Variants in MALRD1 observed in about 807,000 individuals in gnomAD.
MALRD1 encodes MAM and LDL-receptor class A domain-containing protein 1.
In MALRD1, 247 loss-of-function variants were observed where a neutral mutation model predicts 242.1. The observed-to-expected ratio is 1.02, with a 90% CI of 0.92 to 1.13. The LOEUF (loss-of-function observed/expected upper bound fraction) is 1.13, where lower values mean the gene tolerates loss of function less well. Among genes scored for constraint, MALRD1 ranks in the 50% most tolerant of loss-of-function variants. The probability of loss-of-function intolerance (pLI) is 0.00; values close to 1 mark genes in which losing one functional copy is unlikely to be tolerated. For missense variants in MALRD1, 2,989 were observed against 2,533.1 expected, an observed-to-expected ratio of 1.18 and a Z score of -3.86; for synonymous variants, 995 against 866.6, an observed-to-expected ratio of 1.15 and a Z score of -2.60.
intron 32 of MALRD1, among the ~76,000 whole-genome samples, chr10:19,539,904 GCGCGTGCGCGCACACA>G (rs1371797250): frequency 3.9e-4 from 21 of 54,268 alleles, no homozygotes; most frequent in African/African-American, 6.9e-4. Context: ...GTGTGCGCGC[GCGCGTGCGCGCACACA>G]CGCGCAGTGA....
At chr10:19,667,939 A>G (rs1841748113) in intron 36 of MALRD1, among the ~76,000 whole-genome samples, 1 of 152,082 alleles carries the variant, frequency 6.6e-6, no homozygotes, top group African/African-American at 2.4e-5. Flanking sequence ...GTCTGTTGTG[A>G]GCAATCTCTG....
chr10:19,135,825 G>T (rs1480718113), intron 9 of MALRD1, among the ~76,000 whole-genome samples: 3 of 152,134 alleles, frequency 2.0e-5, no homozygotes. Flanking sequence ...AGTAATAATT[G>T]CTCTTGGTAG....
intron 21 of MALRD1, among the ~76,000 whole-genome samples, chr10:19,289,976 C>A (rs2496062): frequency 0.45 from 67,551 of 151,784 alleles, 15,132 homozygotes; most frequent in South Asian, 0.55. Flanking sequence ...GAGAAAAAAA[C>A]CCACAATAAT....
rs1835253334 is a variant in MALRD1 at position 19,450,374 on chromosome 10, C to T, written c.4913C>T (p.Ala1638Val). 6.5e-7 allele frequency: 1 copy of T among 1,550,048 alleles called. No individual in the cohort carries two copies. The highest frequency in any genetic ancestry group is 8.7e-7 in the Non-Finnish European group (1 of 1,146,926). The change falls in exon 29 of 40, where the codon GCT becomes GTT. Residue 1638 changes from alanine to valine, a missense_variant. Coordinates refer to ENST00000454679, the MANE Select transcript of MALRD1 (RefSeq NM_001142308.3). ...KQNPGNHWQK[A>V]DILLGKLRNF... ...AACCCTGGTAATCATTGGCAAAAGGCTGACATCCTGCTAGGAAAGTTAAGG... is the reference window on the plus strand; with the variant it reads ...AACCCTGGTAATCATTGGCAAAAGGTTGACATCCTGCTAGGAAAGTTAAGG...
intron 29 of MALRD1, among the ~76,000 whole-genome samples, chr10:19,469,383 G>T (rs1836384526): frequency 6.6e-6 from 1 of 152,042 alleles, no homozygotes; most frequent in Non-Finnish European, 1.5e-5. Flanking sequence ...TAGCACAGCT[G>T]ATTGTATTGC....
At chr10:19,235,578 CAGAGAGAG>C (rs34117417) in intron 18 of MALRD1, among the ~76,000 whole-genome samples, 33,912 of 132,336 alleles carry the variant, frequency 0.26, 4,024 homozygotes, top group Admixed American at 0.37. Flanking sequence ...CCCACACCCA[CAGAGAGAG>C]AGAGAGAGAG....
intron 10 of MALRD1, 97 bp downstream of exon 10, chr10:19,136,878 C>A: frequency 2.6e-6 from 2 of 778,336 alleles, no homozygotes; most frequent in South Asian, 6.8e-5. Flanking sequence ...AAAGGTAAGT[C>A]ATATGTATGA....
chr10:19,141,883 A>G (rs148324828), intron 10 of MALRD1, among the ~76,000 whole-genome samples: 4,044 of 152,210 alleles, frequency 0.027, 80 homozygotes, highest in Middle Eastern at 0.058. Flanking sequence ...ATGTAAAAAA[A>G]AATGTTGGGC....
chr10:19,728,129 A>G (rs1835123106), intron 38 of MALRD1, among the ~76,000 whole-genome samples: 1 of 152,168 alleles, frequency 6.6e-6, no homozygotes, highest in South Asian at 2.1e-4. Context: ...AATAAAAGCA[A>G]TTTGAGACTA....
chr10:19,200,393 G>GGAGTTCAACTGTTCA (rs1410971394), intron 14 of MALRD1, among the ~76,000 whole-genome samples: 12 of 152,206 alleles, frequency 7.9e-5, no homozygotes, highest in African/African-American at 2.6e-4. Flanking sequence ...AATACCAGAA[G>GGAGTTCAACTGTTCA]GAGTTCAACT....
intron 10 of MALRD1, among the ~76,000 whole-genome samples, chr10:19,139,690 C>G (rs1833474579): frequency 6.6e-6 from 1 of 152,138 alleles, no homozygotes; most frequent in Non-Finnish European, 1.5e-5. Flanking sequence ...AGACCGGTGG[C>G]TCTTCAAAAT....
intron 36 of MALRD1, among the ~76,000 whole-genome samples, chr10:19,669,565 A>T (rs1841820730): frequency 6.6e-6 from 1 of 152,204 alleles, no homozygotes; most frequent in African/African-American, 2.4e-5. Context: ...GGGTACTCAT[A>T]GTTTATCTAA....
chr10:19,122,657 G>T (rs114614513), intron 5 of MALRD1, among the ~76,000 whole-genome samples: 1,689 of 152,170 alleles, frequency 0.011, 34 homozygotes, highest in African/African-American at 0.039. Flanking sequence ...AGTGGTATGG[G>T]CAGAAAGGAC....
chr10:19,295,577 G>C (rs1841657413), intron 21 of MALRD1, among the ~76,000 whole-genome samples: 1 of 151,910 alleles, frequency 6.6e-6, no homozygotes. Flanking sequence ...TATGTAGACA[G>C]GTTTGAGAGA....
intron 21 of MALRD1, among the ~76,000 whole-genome samples, chr10:19,287,901 T>C (rs1182753300): frequency 6.6e-6 from 1 of 152,104 alleles, no homozygotes; most frequent in Non-Finnish European, 1.5e-5. Flanking sequence ...GGTGGAATTA[T>C]TAATTTTACC....
chr10:19,116,893 A>G (rs1836888388), intron 5 of MALRD1, among the ~76,000 whole-genome samples: 1 of 152,104 alleles, frequency 6.6e-6, no homozygotes, highest in African/African-American at 2.4e-5. Flanking sequence ...GTTCGAGACC[A>G]GCCTCAACCT....
intron 33 of MALRD1, among the ~76,000 whole-genome samples, chr10:19,591,621 A>G (rs1837791724): frequency 6.7e-6 from 1 of 150,078 alleles, no homozygotes; most frequent in Non-Finnish European, 1.5e-5. Flanking sequence ...GCCTTAGCCT[A>G]CTGAGTTGCT....
chr10:19,063,465 A>G (rs1385412994), intron 1 of MALRD1, among the ~76,000 whole-genome samples: 1 of 152,160 alleles, frequency 6.6e-6, no homozygotes, highest in East Asian at 1.9e-4. Context: ...TACTACAATG[A>G]AAACGTATCC....
intron 32 of MALRD1, among the ~76,000 whole-genome samples, chr10:19,552,358 T>C (rs1475127189): frequency 6.6e-6 from 1 of 152,144 alleles, no homozygotes; most frequent in African/African-American, 2.4e-5. Flanking sequence ...TTCATGTGCA[T>C]AGAGGTATTT....
Sources: gnomAD v4.1 joint callset for allele counts (sites outside exome capture counted in the v4.1 genomes callset) on GRCh38, gnomAD v4.1.1 for gene constraint, MANE v1.5 for transcripts, NCBI Gene and HGNC (gene_info 2026-07-23, HGNC 2026-07-21) for gene names.